GRAMD4: variants seen among roughly 807,000 people sequenced by gnomAD.
GRAMD4 encodes GRAM domain containing 4.
In GRAMD4, 25 loss-of-function variants were observed where a neutral mutation model predicts 83.9. The observed-to-expected ratio is 0.30, with a 90% CI of 0.22 to 0.42. The LOEUF (loss-of-function observed/expected upper bound fraction) is 0.42, where lower values mean the gene tolerates loss of function less well. GRAMD4 is among the 10% of genes least tolerant of loss of function. The probability of loss-of-function intolerance (pLI) is 1.00; values close to 1 mark genes in which losing one functional copy is unlikely to be tolerated. For missense variants in GRAMD4, 593 were observed against 788.7 expected (o/e 0.75, Z 2.97); for synonymous variants, 336 against 320.9 (o/e 1.05, Z -0.50).
At chr22:46,680,061 G>A (rs1033913993), downstream of GRAMD4, among the ~76,000 whole-genome samples, 4 of 152,240 alleles carry the variant, frequency 2.6e-5, no homozygotes, top group South Asian at 2.1e-4. Context: ...GCCAGGTGGC[G>A]AGGGACGCGG....
At chr22:46,650,771 T>G (rs1416604773) in intron 3 of GRAMD4, among the ~76,000 whole-genome samples, 2 of 152,226 alleles carry the variant, frequency 1.3e-5, no homozygotes, top group African/African-American at 4.8e-5. Flanking sequence ...TGGCTGATTC[T>G]GCTTCATTCC....
chr22:46,602,091 C>T (rs1232079619), intron 1 of GRAMD4, among the ~76,000 whole-genome samples: 2 of 152,212 alleles, frequency 1.3e-5, no homozygotes, highest in Admixed American at 6.5e-5. Context: ...CGGGGGTCCT[C>T]GCTCCTTGCG....
intron 13 of GRAMD4, among the ~76,000 whole-genome samples, chr22:46,670,563 C>T (rs1391927562): frequency 6.6e-6 from 1 of 152,118 alleles, no homozygotes; most frequent in Non-Finnish European, 1.5e-5. Context: ...CCACGGGGAG[C>T]CTGGGGGTGT....
intron 2 of GRAMD4, among the ~76,000 whole-genome samples, chr22:46,631,316 G>A (rs979577376): frequency 1.3e-5 from 2 of 152,136 alleles, no homozygotes; most frequent in African/African-American, 4.8e-5. Flanking sequence ...CGTGTCACAC[G>A]CCAGCTCCCT....
rs139338944 is a variant in GRAMD4, at chr22:46,590,608, C to T, written c.-50+13318C>T. Among the ~76,000 whole-genome samples the T allele has an allele frequency of 1.6e-3, 248 of 152,282 alleles. 1 individual carries two copies. The highest frequency in any genetic ancestry group is 5.8e-3 in the African/African-American group (239 of 41,554). On this transcript the variant is annotated intron_variant, in intron 1 of 1. Transcript: ENST00000431155. ...AGAGGGGAATGGGAGGGGAGAAACC[C>T]GGGCTGGGCCCAGGTGAGTGTCAAC... is the stretch of plus-strand genomic sequence containing the variant.
At position 46,659,960 on chromosome 22, in the gene GRAMD4, C is replaced by G. The variant is rs1046057985; in HGVS notation, c.405-1421C>G. ...GGGAGATCCCAGGGACAGGTGCGGT[C>G]CCCAGGCATTTGGCCACAGTGCCAT... is the stretch of plus-strand genomic sequence containing the variant. On this transcript the variant is annotated intron_variant, in intron 4 of 18. Coordinates refer to ENST00000406902, the MANE Select transcript of GRAMD4 (RefSeq NM_015124.5). The surrounding 1 kb of genome is among the most constrained non-coding windows in gnomAD (Gnocchi z 4.1). 1.3e-5 allele frequency among the ~76,000 whole-genome samples: 2 copies of G among 152,206 alleles called. No individual in the cohort carries two copies. Among genetic ancestry groups the G allele is most frequent in the Admixed American group, 1.3e-4 (2 of 15,284 alleles).
intron 1 of GRAMD4, among the ~76,000 whole-genome samples, chr22:46,600,358 G>A (rs2081300849): frequency 6.6e-6 from 1 of 152,138 alleles, no homozygotes; most frequent in South Asian, 2.1e-4. Flanking sequence ...GGGGCCTGCG[G>A]TATGGAGCTG....
chr22:46,673,157 A>C, intron 14 of GRAMD4, among the ~76,000 whole-genome samples, 160 bp downstream of exon 14: 1 of 151,256 alleles, frequency 6.6e-6, no homozygotes, highest in South Asian at 2.1e-4. Context: ...CCCTGTTACC[A>C]CTGCGGTTTC....
At chr22:46,610,377 G>A (rs1422522532) in intron 1 of GRAMD4, among the ~76,000 whole-genome samples, 2 of 152,308 alleles carry the variant, frequency 1.3e-5, no homozygotes, top group African/African-American at 2.4e-5. Flanking sequence ...GACAGCCCAC[G>A]GACCACACAC....
chr22:46,617,927 T>C (rs2081525708), upstream of GRAMD4, among the ~76,000 whole-genome samples: 1 of 152,176 alleles, frequency 6.6e-6, no homozygotes, highest in Non-Finnish European at 1.5e-5. Context: ...CACTGAAGGC[T>C]TGTAGTTAAA....
chr22:46,680,574 CCATCCAT>C (rs2082656757), downstream of GRAMD4, among the ~76,000 whole-genome samples: 1 of 146,166 alleles, frequency 6.8e-6, no homozygotes, highest in Non-Finnish European at 1.5e-5. Flanking sequence ...GTCCATCCAT[CCATCCAT>C]CCATCCATCC....
At chr22:46,644,752 A>T (rs1187741471) in intron 3 of GRAMD4, among the ~76,000 whole-genome samples, 4 of 109,432 alleles carry the variant, frequency 3.7e-5, no homozygotes, top group African/African-American at 7.2e-5. Context: ...TTTGTTTTTG[A>T]GATAGGGTCT....
chr22:46,669,142 T>C (rs2082459744), intron 13 of GRAMD4, among the ~76,000 whole-genome samples: 1 of 151,958 alleles, frequency 6.6e-6, no homozygotes. Context: ...CCATGTCTCC[T>C]GCAAAGTGGG....
intron 9 of GRAMD4, among the ~76,000 whole-genome samples, 170 bp from the exon 10 acceptor site, chr22:46,666,655 G>A (rs537804486): frequency 2.6e-5 from 4 of 152,274 alleles, no homozygotes; most frequent in African/African-American, 7.2e-5. Context: ...GGAGTTGACT[G>A]CTCTCACAGC....
intron 3 of GRAMD4, among the ~76,000 whole-genome samples, chr22:46,639,313 A>G (rs2081939312): frequency 6.7e-6 from 1 of 149,832 alleles, no homozygotes; most frequent in Admixed American, 6.6e-5. Context: ...GCGGTGGTTA[A>G]CCCTGTGTGT....
intron 13 of GRAMD4, among the ~76,000 whole-genome samples, chr22:46,670,186 AGCAGAT>A (rs1313748559): frequency 2.0e-5 from 3 of 152,234 alleles, no homozygotes; most frequent in Non-Finnish European, 4.4e-5. Flanking sequence ...TGTGTGGAAG[AGCAGAT>A]GCCCCCTGCC....
At chr22:46,641,656 G>C (rs1055090244) in intron 3 of GRAMD4, among the ~76,000 whole-genome samples, 1 of 152,202 alleles carries the variant, frequency 6.6e-6, no homozygotes, top group African/African-American at 2.4e-5. Context: ...CTTCCTGGTC[G>C]TGGCGGGGTT....
At chr22:46,632,304 G>T (rs574090698) in intron 2 of GRAMD4, among the ~76,000 whole-genome samples, 1 of 152,218 alleles carries the variant, frequency 6.6e-6, no homozygotes. Flanking sequence ...CTTAGGGCTG[G>T]GGCAGCGTCT....
intron 1 of GRAMD4, among the ~76,000 whole-genome samples, chr22:46,584,908 C>A (rs1008130212): frequency 6.6e-6 from 1 of 152,212 alleles, no homozygotes; most frequent in Non-Finnish European, 1.5e-5. Context: ...GCCGGCGGGA[C>A]GCTTTAGAGC....
Sources: allele counts gnomAD v4.1 joint callset (sites outside exome capture counted in the v4.1 genomes callset), GRCh38; gene constraint gnomAD v4.1.1; non-coding constraint Gnocchi (gnomAD v3.1); transcripts MANE v1.5; gene names NCBI Gene and HGNC (gene_info 2026-07-23, HGNC 2026-07-21).